MASTL: variants seen among roughly 807,000 people sequenced by gnomAD.
MASTL encodes serine/threonine-protein kinase greatwall.
In MASTL, 54 loss-of-function variants were observed where a neutral mutation model predicts 82.5. The observed-to-expected ratio is 0.65, with a 90% confidence interval of 0.53 to 0.82. MASTL has a LOEUF of 0.82. MASTL is among the 40% of genes least tolerant of loss of function. The pLI is 0.00. For missense variants in MASTL, 950 were observed against 1,047.8 expected, an observed-to-expected ratio of 0.91 and a Z score of 1.29; for synonymous variants, 323 against 368.9, an observed-to-expected ratio of 0.88 and a Z score of 1.43.
At chr10:27,156,627 G>A (rs947452773) in intron 1 of MASTL, among the ~76,000 whole-genome samples, 7 of 151,844 alleles carry the variant, frequency 4.6e-5, no homozygotes, top group Non-Finnish European at 1.0e-4. Flanking sequence ...AGCCTCCCGA[G>A]TAGCTGGGAT....
chr10:27,156,771 C>G (rs974584122), intron 1 of MASTL, among the ~76,000 whole-genome samples: 2 of 151,642 alleles, frequency 1.3e-5, no homozygotes, highest in East Asian at 3.9e-4. Flanking sequence ...CCGCCCACAT[C>G]GGCCTCCCAG....
chr10:27,171,574 A>T (rs113188966), intron 8 of MASTL, among the ~76,000 whole-genome samples: 1 of 24,256 alleles, frequency 4.1e-5, no homozygotes, highest in Non-Finnish European at 1.2e-4. Context: ...TGGGATTATA[A>T]GGGGCCCACC....
rs2135962664 is a variant in MASTL, at chr10:27,158,682, A to G, written c.320A>G (p.Tyr107Cys). 1.9e-6 allele frequency: 3 copies of G among 1,613,952 alleles called. No homozygotes were observed. The highest frequency in any genetic ancestry group is 1.7e-6 in the Non-Finnish European group (2 of 1,179,826). Residue 107 changes from tyrosine to cysteine, a missense_variant, in exon 2 of 12, where the codon TAC becomes TGC. Physicochemically the swap from Tyr to Cys is radical, Grantham distance 194. Coordinates refer to ENST00000375940, the MANE Select transcript of MASTL (RefSeq NM_001172303.3). Reference protein sequence around the residue: ...YYSLQSANNVYLVMEYLIGGD... With the variant: ...YYSLQSANNVCLVMEYLIGGD... ...TCACTGCAGTCTGCAAACAATGTCTACTTGGTGAGTAAATAATTTTTATGT... is the reference window on the plus strand; with the variant it reads ...TCACTGCAGTCTGCAAACAATGTCTGCTTGGTGAGTAAATAATTTTTATGT...
intron 4 of MASTL, among the ~76,000 whole-genome samples, chr10:27,162,846 A>G (rs1329471127): frequency 6.6e-6 from 1 of 152,190 alleles, no homozygotes. Context: ...AACAGTTATG[A>G]ATACCTAAAA....
intron 1 of MASTL, among the ~76,000 whole-genome samples, chr10:27,157,087 G>A (rs546400015): frequency 1.3e-5 from 2 of 152,210 alleles, no homozygotes; most frequent in South Asian, 4.1e-4. Flanking sequence ...ACAGGGGTGA[G>A]CCACCGTGCC....
Position 27,169,875 on chromosome 10 carries a change from G to C in MASTL, c.985-69G>C. ...ATGGGGTCATTTATCCTACCTTAAC[G>C]GACCATAGTTAAAAGGTCAATGAAT... On this transcript the variant is annotated intron_variant, in intron 7 of 11. Coordinates refer to ENST00000375940, the MANE Select transcript of MASTL (RefSeq NM_001172303.3). The C allele has an allele frequency of 2.7e-6, 4 of 1,498,636 alleles. No individual in the cohort carries two copies. In the South Asian group the frequency reaches 3.4e-5, roughly 13 times the overall value. The allele number at this position is 1,498,636 out of a possible 1,614,324, so 92.8% of individuals were successfully genotyped here.
At chr10:27,181,198 A>G in intron 10 of MASTL, 132 bp downstream of exon 10, 2 of 695,522 alleles carry the variant, frequency 2.9e-6, no homozygotes. Context: ...CAGCCTGGCC[A>G]ACATGGTAAA....
At chr10:27,165,773 C>T (rs904527599) in intron 6 of MASTL, among the ~76,000 whole-genome samples, 1 of 151,692 alleles carries the variant, frequency 6.6e-6, no homozygotes, top group African/African-American at 2.4e-5. Flanking sequence ...TGTTGGTGCA[C>T]ACTTGTGGTC....
In MASTL at chr10:27,169,997, G is replaced by A. The variant is rs756961236; in HGVS notation, c.1038G>A (p.Lys346=). ...TGATGAGTTGGAATGCAGTTGAAAA[G>A]TTATGCGCAAAATCTGCAAATGCCA... is the stretch of plus-strand genomic sequence containing the variant. ...PTMMSWNAVE[K]LCAKSANAIE... The change falls in exon 8 of 12, where the codon AAG becomes AAA. Residue 346 remains lysine, a synonymous_variant. Transcript: ENST00000375940. 14 of 1,614,060 alleles carry A rather than the reference G, an allele frequency of 8.7e-6. No homozygotes were observed. The Admixed American group carries it at 1.0e-4, about 12-fold the overall frequency.
At chr10:27,178,617 T>C (rs1260980825) in intron 9 of MASTL, among the ~76,000 whole-genome samples, 4 of 151,802 alleles carry the variant, frequency 2.6e-5, no homozygotes, top group Non-Finnish European at 5.9e-5. Context: ...TGTGATCTTA[T>C]TAGACTTTGA....
At chr10:27,165,636 G>A (rs992964941) in intron 6 of MASTL, 97 bp downstream of exon 6, 9 of 1,351,592 alleles carry the variant, frequency 6.7e-6, no homozygotes, top group Admixed American at 1.8e-5. Context: ...TTTTTGAGAC[G>A]GAGTCTTACT....
intron 8 of MASTL, among the ~76,000 whole-genome samples, chr10:27,171,557 A>C (rs1588694040): frequency 1.8e-5 from 2 of 109,270 alleles, no homozygotes; most frequent in African/African-American, 6.7e-5. Flanking sequence ...TCAGCCTCCC[A>C]AGTAGCTGGG....
chr10:27,186,874 C>A lies in MASTL; in HGVS notation c.*338C>A, dbSNP rs2058791149. 1 of 323,342 alleles carries A rather than the reference C, an allele frequency of 3.1e-6. No homozygotes were observed. Among genetic ancestry groups the A allele is most frequent in the South Asian group, 3.1e-5 (1 of 32,112 alleles). 20.0% of individuals were successfully genotyped at this position (323,342 alleles called of 1,614,324 possible). On this transcript the variant is annotated 3_prime_UTR_variant, in exon 12 of 12. Transcript: ENST00000375940. ...TTTTCTTTCTCCTCTGATTTCAGTT[C>A]ACTGTTCAGTTTAGCATTAAAATAA...
chr10:27,155,687 C>T, intron 1 of MASTL, 75 bp downstream of exon 1: 2 of 1,545,706 alleles, frequency 1.3e-6, no homozygotes, highest in South Asian at 1.1e-5. Flanking sequence ...CTTGGGCAGG[C>T]CCCGGGGTTG....
chr10:27,181,402 A>T, intron 10 of MASTL, 78 bp from the exon 11 acceptor site: 1 of 1,148,248 alleles, frequency 8.7e-7, no homozygotes, highest in Non-Finnish European at 1.3e-6. Context: ...AAAAAACAAA[A>T]AAAAGTAGTC....
At chr10:27,178,395 CA>C (rs35522896) in intron 9 of MASTL, among the ~76,000 whole-genome samples, 10,279 of 130,902 alleles carry the variant, frequency 0.079, 585 homozygotes, top group African/African-American at 0.18. Context: ...GACTCCATCT[CA>C]AAAAAAAAAA....
Position 27,155,374 on chromosome 10 carries a change from G to T in MASTL, c.-53G>T, listed in dbSNP as rs3824593. 4.0e-5 allele frequency: 62 copies of T among 1,533,132 alleles called. No individual in the cohort carries two copies. In the East Asian group the frequency reaches 1.4e-3, roughly 35 times the overall value. The allele number at this position is 1,533,132 out of a possible 1,614,324, so 95.0% of individuals were successfully genotyped here. A position where few individuals can be genotyped will look rare whatever the true frequency, so the allele number is the denominator to read the frequency against. On this transcript the variant is annotated 5_prime_UTR_variant, in exon 1 of 12. Transcript: ENST00000375940. Reference sequence around the variant, plus strand: ...CTCACTTTGAACCCAGTTGGCGGGAGTGGCTGCTCGCGGAGGGGCAGTGTC... The same window carrying T: ...CTCACTTTGAACCCAGTTGGCGGGATTGGCTGCTCGCGGAGGGGCAGTGTC...
intron 8 of MASTL, among the ~76,000 whole-genome samples, chr10:27,172,390 G>C (rs972014040): frequency 6.6e-6 from 1 of 152,098 alleles, no homozygotes; most frequent in African/African-American, 2.4e-5. Flanking sequence ...TGAATGCCAG[G>C]CGTGGTGGCT....
chr10:27,179,455 G>A (rs2058205115), intron 9 of MASTL, among the ~76,000 whole-genome samples: 1 of 152,132 alleles, frequency 6.6e-6, no homozygotes, highest in African/African-American at 2.4e-5. Context: ...TACTTGGGAG[G>A]CTGAGGCAGG....
Sources: gnomAD v4.1 joint callset for allele counts (sites outside exome capture counted in the v4.1 genomes callset) on GRCh38, gnomAD v4.1.1 for gene constraint, MANE v1.5 for transcripts, NCBI Gene and HGNC (gene_info 2026-07-23, HGNC 2026-07-21) for gene names.